LGSN: variants seen among roughly 807,000 people sequenced by gnomAD.
LGSN encodes the protein lengsin.
A neutral mutation model predicts 19.5 loss-of-function variants in LGSN; 21 were observed. The ratio of observed to expected loss-of-function variants is 1.07; its 90% CI spans 0.76 to 1.55. LGSN has a LOEUF of 1.55. LGSN is among the 40% of genes most tolerant of loss of function. LGSN has a pLI of 0.00. For synonymous variants in LGSN, 257 were observed against 215.6 expected, an observed-to-expected ratio of 1.19 and a Z score of -1.68; for missense variants, 673 against 608.5, an observed-to-expected ratio of 1.11 and a Z score of -1.12.
the LGSN span, among the ~76,000 whole-genome samples, chr6:63,442,352 T>C: frequency 6.6e-6 from 1 of 152,216 alleles, no homozygotes; most frequent in South Asian, 2.1e-4. Context: ...GGGTTGCTGC[T>C]GCTAGCTCGG....
At chr6:63,331,862 C>A in the LGSN span, among the ~76,000 whole-genome samples, 4 of 152,084 alleles carry the variant, frequency 2.6e-5, no homozygotes, top group Non-Finnish European at 2.9e-5. Context: ...GATTTAGTGG[C>A]CCATACCGAC....
intron 1 of LGSN, among the ~76,000 whole-genome samples, chr6:63,300,748 T>C (rs1385192279): frequency 6.6e-6 from 1 of 152,146 alleles, no homozygotes; most frequent in Non-Finnish European, 1.5e-5. Flanking sequence ...GTTAAAATAT[T>C]GAAGTATTAA....
the LGSN span, among the ~76,000 whole-genome samples, chr6:63,555,892 C>T: frequency 1.3e-5 from 2 of 152,044 alleles, no homozygotes; most frequent in Non-Finnish European, 2.9e-5. Context: ...CAGGGTTTCG[C>T]TATGTTGGCC....
At chr6:63,480,984 TATACAC>T in the LGSN span, among the ~76,000 whole-genome samples, 1 of 36,368 alleles carries the variant, frequency 2.7e-5, no homozygotes, top group African/African-American at 5.5e-5. Context: ...TATATATATA[TATACAC>T]ACACACATAC....
chr6:63,471,826 G>A, the LGSN span, among the ~76,000 whole-genome samples: 1 of 152,160 alleles, frequency 6.6e-6, no homozygotes, highest in African/African-American at 2.4e-5. Flanking sequence ...GGTAATTAAG[G>A]TGAGATGAGG....
At chr6:63,332,028 G>T in the LGSN span, among the ~76,000 whole-genome samples, 1 of 152,138 alleles carries the variant, frequency 6.6e-6, no homozygotes, top group Non-Finnish European at 1.5e-5. Flanking sequence ...GACACCTTTT[G>T]TCCTCACTTA....
At chr6:63,378,636 G>A in the LGSN span, among the ~76,000 whole-genome samples, 1 of 152,254 alleles carries the variant, frequency 6.6e-6, no homozygotes, top group Non-Finnish European at 1.5e-5. Context: ...CATGCACAGA[G>A]ATCACACGTG....
At chr6:63,547,758 C>A in the LGSN span, among the ~76,000 whole-genome samples, 5 of 139,136 alleles carry the variant, frequency 3.6e-5, no homozygotes, top group African/African-American at 1.3e-4. Context: ...TGATCCACCC[C>A]CCTCGGCCTC....
At chr6:63,555,459 T>G in the LGSN span, among the ~76,000 whole-genome samples, 1 of 152,224 alleles carries the variant, frequency 6.6e-6, no homozygotes, top group Admixed American at 6.5e-5. Flanking sequence ...AGTTATCCAT[T>G]TGTATAAATG....
the LGSN span, among the ~76,000 whole-genome samples, chr6:63,450,773 A>G: frequency 6.6e-6 from 1 of 151,820 alleles, no homozygotes; most frequent in African/African-American, 2.4e-5. Flanking sequence ...CCTGGGTTCA[A>G]GTGATTCTCT....
chr6:63,560,194 G>A, the LGSN span, among the ~76,000 whole-genome samples: 6 of 151,430 alleles, frequency 4.0e-5, no homozygotes, highest in African/African-American at 7.3e-5. Flanking sequence ...AAAAATTAGC[G>A]GGATGTGGTG....
chr6:63,418,751 A>G, the LGSN span, among the ~76,000 whole-genome samples: 2 of 152,064 alleles, frequency 1.3e-5, no homozygotes, highest in Non-Finnish European at 2.9e-5. Context: ...CAAAGTGTAT[A>G]GACTAAAAAG....
the LGSN span, among the ~76,000 whole-genome samples, chr6:63,339,976 T>A: frequency 1.8e-4 from 28 of 152,282 alleles, no homozygotes; most frequent in African/African-American, 6.5e-4. Flanking sequence ...AGTTTTTGCT[T>A]TTCTTATAAA....
the LGSN span, among the ~76,000 whole-genome samples, chr6:63,498,882 C>T: frequency 6.6e-6 from 1 of 151,934 alleles, no homozygotes; most frequent in African/African-American, 2.4e-5. Flanking sequence ...AAAGCAAACC[C>T]GATGGTGGAA....
At chr6:63,511,156 T>C in the LGSN span, among the ~76,000 whole-genome samples, 6 of 152,046 alleles carry the variant, frequency 3.9e-5, no homozygotes, top group Non-Finnish European at 8.8e-5. Flanking sequence ...TGCAACACGC[T>C]ATATCTATAA....
At chr6:63,559,813 G>GCA in the LGSN span, among the ~76,000 whole-genome samples, 1 of 152,132 alleles carries the variant, frequency 6.6e-6, no homozygotes, top group Non-Finnish European at 1.5e-5. Context: ...CTAGCACTTT[G>GCA]GGAGTCTGAG....
At chr6:63,458,208 C>T in the LGSN span, among the ~76,000 whole-genome samples, 1 of 152,114 alleles carries the variant, frequency 6.6e-6, no homozygotes, top group Non-Finnish European at 1.5e-5. Context: ...GCTGGGATTA[C>T]AGGCATGTGC....
chr6:63,510,620 C>T, the LGSN span, among the ~76,000 whole-genome samples: 1 of 148,380 alleles, frequency 6.7e-6, no homozygotes, highest in Non-Finnish European at 1.5e-5. Flanking sequence ...GTCAGGAATA[C>T]AGAAATAAGC....
At chr6:63,486,682 C>CTTTTTTTTT in the LGSN span, among the ~76,000 whole-genome samples, 2 of 115,850 alleles carry the variant, frequency 1.7e-5, no homozygotes, top group East Asian at 2.5e-4. Flanking sequence ...TTATTTTCTT[C>CTTTTTTTTT]TTTTTTTTTT....
Sources: allele counts gnomAD v4.1 joint callset (sites outside exome capture counted in the v4.1 genomes callset), GRCh38; gene constraint gnomAD v4.1.1; transcripts MANE v1.5; gene names NCBI Gene and HGNC (gene_info 2026-07-23, HGNC 2026-07-21).